PEAK1: variants seen among roughly 807,000 people sequenced by gnomAD.
PEAK1 encodes pseudopodium enriched atypical kinase 1.
In PEAK1, 54 loss-of-function variants were observed where a neutral mutation model predicts 124.7. That is an observed-to-expected ratio of 0.43 (90% confidence interval 0.35 to 0.54). The LOEUF (loss-of-function observed/expected upper bound fraction) is 0.54. Ranked by LOEUF, PEAK1 falls within the 20% of genes least tolerant of loss-of-function variation. The pLI, the probability that PEAK1 is intolerant of heterozygous loss-of-function variation, is 0.01. For missense variants in PEAK1, 2,046 were observed against 2,134.5 expected, an observed-to-expected ratio of 0.96 and a Z score of 0.82; for synonymous variants, 719 against 760.0, an observed-to-expected ratio of 0.95 and a Z score of 0.89.
chr15:77,140,094 A>G (rs1197831135), intron 8 of PEAK1, among the ~76,000 whole-genome samples: 3 of 152,204 alleles, frequency 2.0e-5, no homozygotes, highest in Non-Finnish European at 4.4e-5. Flanking sequence ...AAATTGAATT[A>G]GTATTTTAAA....
At chr15:77,255,995 T>C (rs548402093) in intron 5 of PEAK1, among the ~76,000 whole-genome samples, 3 of 152,206 alleles carry the variant, frequency 2.0e-5, no homozygotes, top group Non-Finnish European at 4.4e-5. Flanking sequence ...TGTCTCAAGA[T>C]TGTGAACTAA....
At chr15:77,332,123 C>CA in intron 2 of PEAK1, 2 of 872,738 alleles carry the variant, frequency 2.3e-6, no homozygotes, top group Non-Finnish European at 1.4e-6. Flanking sequence ...GACTCCATCT[C>CA]AAAAAAATAT....
At chr15:77,287,950 A>G (rs1044865873) in intron 2 of PEAK1, among the ~76,000 whole-genome samples, 3 of 152,128 alleles carry the variant, frequency 2.0e-5, no homozygotes, top group African/African-American at 7.2e-5. Flanking sequence ...CCTGAATTCC[A>G]TCCCTATTAA....
At chr15:77,106,992 CTCAG>C (rs756150769), downstream of PEAK1, 1 of 152,148 alleles carries the variant, frequency 6.6e-6, no homozygotes, top group Admixed American at 6.5e-5. Flanking sequence ...AATTTAATCA[CTCAG>C]TCAGTACTGA....
chr15:77,146,255 C>T (rs1352919603), intron 8 of PEAK1, among the ~76,000 whole-genome samples: 3 of 152,170 alleles, frequency 2.0e-5, no homozygotes, highest in Non-Finnish European at 4.4e-5. Context: ...TCTACCTAGG[C>T]ATTATTACTG....
chr15:77,191,523 G>T (rs1222557110), intron 6 of PEAK1, among the ~76,000 whole-genome samples: 1 of 152,120 alleles, frequency 6.6e-6, no homozygotes, highest in African/African-American at 2.4e-5. Context: ...AGTTTTAGCT[G>T]CCTTGTAAAC....
intron 9 of PEAK1, among the ~76,000 whole-genome samples, chr15:77,118,427 A>G (rs2051592112): frequency 6.6e-6 from 1 of 152,156 alleles, no homozygotes; most frequent in African/African-American, 2.4e-5. Flanking sequence ...TTAGTTAAAA[A>G]AAAAACCTCA....
chr15:77,172,704 C>G (rs576713959), intron 7 of PEAK1, among the ~76,000 whole-genome samples: 1 of 152,106 alleles, frequency 6.6e-6, no homozygotes, highest in Admixed American at 6.6e-5. Flanking sequence ...CATTTAATTA[C>G]GCAGAATTTT....
Position 77,133,483 on chromosome 15 carries a change from C to A in PEAK1, c.3599G>T (p.Gly1200Val), listed in dbSNP as rs1327870866. 3.7e-6 allele frequency: 6 copies of A among 1,614,202 alleles called. No homozygotes were observed. Among genetic ancestry groups the A allele is most frequent in the Non-Finnish European group, 5.1e-6 (6 of 1,180,046 alleles). The change falls in exon 9 of 10, where the codon GGT (glycine) becomes GTT (valine). Residue 1200 changes from glycine (G) to valine (V), a missense_variant. Physicochemically the swap from Gly to Val is moderately radical, Grantham distance 109 (BLOSUM62 -3). Transcript: ENST00000682557. The surrounding 1 kb of genome is among the most constrained non-coding windows in gnomAD (Gnocchi z 4.2). ...TTTGAGTTCATAGCTGATGGAAGAA[C>A]CAGCACTGCTGGCATCCCAGTTGGG... The part of the protein sequence containing the change: ...IDPNWDASSA[G>V]SSISYELKGL...
rs954823469 is a variant in PEAK1, at chr15:77,419,610, C to A, written c.-666+396G>T. On this transcript the variant is annotated intron_variant, in intron 1 of 9. Transcript: ENST00000682557. ...CCAGAGAAGCCCCTCCTGCCCCGGC[C>A]TCCCCGCGTCCAGCTCCTCCAGGCT... The A allele has an allele frequency of 1.8e-5, 18 of 985,158 alleles. 1 individual carries two copies. The Admixed American group carries it at 9.8e-4, about 54-fold the overall frequency. 61.0% of individuals were successfully genotyped at this position (985,158 alleles called of 1,614,324 possible). A position where few individuals can be genotyped will look rare whatever the true frequency, so the allele number is the denominator to read the frequency against.
At chr15:77,374,409 T>G (rs1159921482) in intron 1 of PEAK1, among the ~76,000 whole-genome samples, 1 of 152,166 alleles carries the variant, frequency 6.6e-6, no homozygotes, top group Admixed American at 6.5e-5. Context: ...ATTTAATAAT[T>G]AAATGTTCAA....
At position 77,133,039 on chromosome 15, in the gene PEAK1, T is replaced by C. The variant is rs147417507; in HGVS notation, c.4043A>G (p.Tyr1348Cys). 119 of 1,612,602 alleles carry C rather than the reference T, an allele frequency of 7.4e-5. No individual in the cohort carries two copies. Among genetic ancestry groups the C allele is most frequent in the Non-Finnish European group, 9.2e-5 (108 of 1,178,628 alleles). The change falls in exon 9 of 10, where the codon TAT becomes TGT. Residue 1348 changes from tyrosine to cysteine, a missense_variant. Tyr to Cys is a radical substitution (Grantham distance 194). Coordinates refer to ENST00000682557, the MANE Select transcript of PEAK1 (RefSeq NM_001385026.1). The surrounding 1 kb of genome is among the most constrained non-coding windows in gnomAD (Gnocchi z 4.2). Reference protein sequence around the residue: ...AGDAVYYTASYAKDPLNNYAV... With the variant: ...AGDAVYYTASCAKDPLNNYAV... ...ATAGTTATTAAGTGGATCTTTTGCATATGAAGCAGTATAGTAAACCGCATC... is the reference window on the plus strand; with the variant it reads ...ATAGTTATTAAGTGGATCTTTTGCACATGAAGCAGTATAGTAAACCGCATC...
At chr15:77,372,049 G>C (rs534638616) in intron 1 of PEAK1, among the ~76,000 whole-genome samples, 6 of 152,220 alleles carry the variant, frequency 3.9e-5, no homozygotes, top group Admixed American at 3.3e-4. Context: ...ATATTTCAAA[G>C]GTATAAGGCA....
intron 7 of PEAK1, among the ~76,000 whole-genome samples, chr15:77,161,606 A>G (rs1391519292): frequency 6.6e-6 from 1 of 152,230 alleles, no homozygotes; most frequent in Non-Finnish European, 1.5e-5. Context: ...AAAAGGAGTA[A>G]GAATTTAAAA....
chr15:77,199,473 C>A (rs1394869030), intron 6 of PEAK1, among the ~76,000 whole-genome samples: 1 of 152,126 alleles, frequency 6.6e-6, no homozygotes, highest in Non-Finnish European at 1.5e-5. Flanking sequence ...AGAGAGAACA[C>A]CATGAAAGCC....
At position 77,417,989 on chromosome 15, in the gene PEAK1, C is replaced by T. The variant is rs1049340500; in HGVS notation, c.-666+2017G>A. ...AAAGATAAATGTTTATATGAGTACA[C>T]GTATAATGCATTCCAGGAACATATT... On this transcript the variant is annotated intron_variant, in intron 1 of 9. Transcript: ENST00000682557. 1.4e-5 allele frequency: 14 copies of T among 968,816 alleles called. No homozygotes were observed. In the Middle Eastern group the frequency reaches 1.6e-3, roughly 110 times the overall value. The allele number at this position is 968,816 out of a possible 1,614,324, so 60.0% of individuals were successfully genotyped here.
chr15:77,411,802 G>A (rs371451033), intron 1 of PEAK1, among the ~76,000 whole-genome samples: 23 of 151,932 alleles, frequency 1.5e-4, no homozygotes, highest in African/African-American at 5.6e-4. Context: ...ATGGGGGTTG[G>A]GGGTGGGTCT....
intron 6 of PEAK1, among the ~76,000 whole-genome samples, chr15:77,187,891 T>TA (rs1200478074): frequency 6.6e-6 from 1 of 151,902 alleles, no homozygotes; most frequent in East Asian, 1.9e-4. Flanking sequence ...GTGGGTCACT[T>TA]AAAAAAAAGG....
Position 77,371,508 on chromosome 15 carries a change from T to TACC in PEAK1, c.-665-6286_-665-6284dup, listed in dbSNP as rs71145817. 9.9e-4 allele frequency: 668 copies of TACC among 674,382 alleles called. 2 individuals are homozygous for TACC. Among genetic ancestry groups the TACC allele is most frequent in the Non-Finnish European group, 1.1e-3 (577 of 543,498 alleles). 41.8% of individuals were successfully genotyped at this position (674,382 alleles called of 1,614,324 possible). A position where few individuals can be genotyped will look rare whatever the true frequency, so the allele number is the denominator to read the frequency against. Reference sequence around the variant, plus strand: ...AGCCTTTGTTGTAACACTACACACATACCACCACCACCACCACCACCACCA... The same window carrying TACC: ...AGCCTTTGTTGTAACACTACACACATACCACCACCACCACCACCACCACCACCA... On this transcript the variant is annotated intron_variant, in intron 1 of 9. Transcript: ENST00000682557.
Sources: gnomAD v4.1 joint callset for allele counts (sites outside exome capture counted in the v4.1 genomes callset) on GRCh38, gnomAD v4.1.1 for gene constraint, Gnocchi (gnomAD v3.1) non-coding constraint, MANE v1.5 for transcripts, NCBI Gene and HGNC (gene_info 2026-07-23, HGNC 2026-07-21) for gene names.